Variants in NEDD4L observed in about 807,000 individuals in gnomAD.
The protein encoded by NEDD4L is E3 ubiquitin-protein ligase NEDD4-like.
NEDD4L carries 54 observed loss-of-function variants against 148.9 expected under a neutral mutation model. The observed-to-expected ratio is 0.36, with a 90% CI of 0.29 to 0.45. The LOEUF (loss-of-function observed/expected upper bound fraction) is 0.45, where lower values mean the gene tolerates loss of function less well. NEDD4L is among the 20% of genes least tolerant of loss of function. The pLI is 1.00. For missense variants in NEDD4L, 856 were observed against 1,233.8 expected (o/e 0.69, Z 4.59); for synonymous variants, 433 against 440.7 (o/e 0.98, Z 0.22).
At chr18:58,136,338 G>A (rs1280953196) in intron 1 of NEDD4L, among the ~76,000 whole-genome samples, 5 of 152,170 alleles carry the variant, frequency 3.3e-5, no homozygotes, top group Admixed American at 3.3e-4. Flanking sequence ...TACTGATAAA[G>A]TGTTTTTAAT....
At chr18:58,262,797 G>A (rs1438300429) in intron 5 of NEDD4L, among the ~76,000 whole-genome samples, 1 of 152,232 alleles carries the variant, frequency 6.6e-6, no homozygotes, top group South Asian at 2.1e-4. Context: ...AGTGAGACAG[G>A]TGGCCTGATG....
At chr18:58,378,272 TC>T (rs2047838865) in intron 24 of NEDD4L, among the ~76,000 whole-genome samples, 3 of 152,180 alleles carry the variant, frequency 2.0e-5, no homozygotes, top group Non-Finnish European at 4.4e-5. Flanking sequence ...TGTGGATCTC[TC>T]TGTTAAGATT....
intron 5 of NEDD4L, among the ~76,000 whole-genome samples, chr18:58,292,466 C>T (rs982173026): frequency 6.6e-6 from 1 of 152,212 alleles, no homozygotes; most frequent in African/African-American, 2.4e-5. Flanking sequence ...CCCGCCACCT[C>T]ACTTCTCAGC....
rs575777441 is a variant in NEDD4L, at chr18:58,083,483, C to G, written c.48+38775C>G. On this transcript the variant is annotated intron_variant, in intron 1 of 30. Transcript: ENST00000400345. ...CGGGTGGATCACGAGGTCAGGAGAT[C>G]GAGACCATCCTGGCTAACACAGTGA... Among the ~76,000 whole-genome samples, 5 of 152,156 alleles carry G rather than the reference C, an allele frequency of 3.3e-5. 1 individual carries two copies. Among genetic ancestry groups the G allele is most frequent in the African/African-American group, 1.2e-4 (5 of 41,506 alleles).
At chr18:58,129,333 C>T (rs2031669796) in intron 1 of NEDD4L, among the ~76,000 whole-genome samples, 1 of 152,210 alleles carries the variant, frequency 6.6e-6, no homozygotes, top group Non-Finnish European at 1.5e-5. Context: ...CTGCATTTGG[C>T]CTCAGTGTGT....
At chr18:58,221,443 G>A in intron 2 of NEDD4L, 1 of 490,384 alleles carries the variant, frequency 2.0e-6, no homozygotes, top group Non-Finnish European at 2.6e-6. Context: ...GAGCTGGGTG[G>A]AGCTACTTAA....
At chr18:58,195,598 C>G in intron 2 of NEDD4L, 1 of 1,342,996 alleles carries the variant, frequency 7.4e-7, no homozygotes, top group Non-Finnish European at 9.8e-7. Flanking sequence ...CTGTTGGTTA[C>G]CTGGCCGGGA....
chr18:58,085,098 A>G (rs986300013), intron 1 of NEDD4L, among the ~76,000 whole-genome samples: 2 of 152,154 alleles, frequency 1.3e-5, no homozygotes, highest in African/African-American at 4.8e-5. Flanking sequence ...CCTCATTTTA[A>G]CTTAATCACT....
intron 16 of NEDD4L, among the ~76,000 whole-genome samples, chr18:58,348,326 C>CTTTTTTTTTGTTTTTTTTTTTTTT (rs2043375791): frequency 1.1e-5 from 1 of 88,672 alleles, no homozygotes; most frequent in African/African-American, 5.4e-5. Flanking sequence ...TCTTTTTTTT[C>CTTTTTTTTTGTTTTTTTTTTTTTT]TTTTTTTTTT....
intron 24 of NEDD4L, among the ~76,000 whole-genome samples, chr18:58,381,541 G>A (rs1792868387): frequency 6.6e-6 from 1 of 152,208 alleles, no homozygotes; most frequent in African/African-American, 2.4e-5. Context: ...CCTGTGCGAG[G>A]GGAAAGGGTG....
chr18:58,360,643 GATT>G (rs1327988714), intron 19 of NEDD4L, among the ~76,000 whole-genome samples: 1 of 151,884 alleles, frequency 6.6e-6, no homozygotes, highest in East Asian at 1.9e-4. Context: ...GCCTCTTTGA[GATT>G]ATTCTATTAT....
At chr18:58,145,906 A>T (rs896353820) in intron 1 of NEDD4L, among the ~76,000 whole-genome samples, 14 of 136,014 alleles carry the variant, frequency 1.0e-4, no homozygotes, top group African/African-American at 3.6e-4. Context: ...CATTTTTTTA[A>T]AATTGGCATT....
intron 5 of NEDD4L, among the ~76,000 whole-genome samples, chr18:58,279,004 C>T (rs192077134): frequency 4.6e-5 from 7 of 152,076 alleles, no homozygotes; most frequent in Admixed American, 1.3e-4. Context: ...CCCAAGTAGC[C>T]GGGATTATAG....
At chr18:58,146,882 C>T (rs968860427) in intron 1 of NEDD4L, among the ~76,000 whole-genome samples, 4 of 148,884 alleles carry the variant, frequency 2.7e-5, no homozygotes, top group African/African-American at 7.3e-5. Flanking sequence ...TTTCATTTTG[C>T]GCTGGGCCTG....
At chr18:58,226,416 C>G (rs2044360818) in intron 2 of NEDD4L, among the ~76,000 whole-genome samples, 1 of 152,190 alleles carries the variant, frequency 6.6e-6, no homozygotes, top group African/African-American at 2.4e-5. Context: ...TCTCCCCTGA[C>G]CCCCAAGTCA....
chr18:58,202,489 T>C (rs1259167788), intron 2 of NEDD4L, among the ~76,000 whole-genome samples: 3 of 152,256 alleles, frequency 2.0e-5, no homozygotes, highest in African/African-American at 7.2e-5. Flanking sequence ...GGGTGACTCA[T>C]GCAGTCAGGT....
chr18:58,267,759 G>A (rs892325746), intron 5 of NEDD4L, among the ~76,000 whole-genome samples: 2 of 152,070 alleles, frequency 1.3e-5, no homozygotes, highest in African/African-American at 4.8e-5. Context: ...TTTTGCACCA[G>A]CGAGTCTGCT....
At chr18:58,391,424 A>G (rs2049824735) in intron 29 of NEDD4L, 63 bp from the exon 30 acceptor site, 4 of 1,357,970 alleles carry the variant, frequency 2.9e-6, no homozygotes, top group Non-Finnish European at 4.1e-6. Flanking sequence ...ACTGCAGACC[A>G]CACCATAGCT....
chr18:58,065,468 C>G lies in NEDD4L; in HGVS notation c.48+20760C>G, dbSNP rs562330514. On this transcript the variant is annotated intron_variant, in intron 1 of 30. Coordinates refer to ENST00000400345, the MANE Select transcript of NEDD4L (RefSeq NM_001144967.3). ...TTCCTGTCTAGCTTTGGTATTCTTG[C>G]CTTTAAAAATTTCTTTTTCCATTTG... Among the ~76,000 whole-genome samples, 7 of 152,310 alleles carry G rather than the reference C, an allele frequency of 4.6e-5. No individual in the cohort carries two copies. In the South Asian group the frequency reaches 1.4e-3, roughly 32 times the overall value.
Sources: gnomAD v4.1 joint callset for allele counts (sites outside exome capture counted in the v4.1 genomes callset) on GRCh38, gnomAD v4.1.1 for gene constraint, MANE v1.5 for transcripts, NCBI Gene and HGNC (gene_info 2026-07-23, HGNC 2026-07-21) for gene names.